Variants in XKR6 observed in about 807,000 individuals in gnomAD.
XKR6 encodes the protein XK related 6.
A neutral mutation model predicts 56.7 loss-of-function variants in XKR6; 22 were observed. The observed-to-expected ratio is 0.39, with a 90% CI of 0.28 to 0.55. The LOEUF is 0.55. XKR6 is among the 20% of genes least tolerant of loss of function. The pLI, the probability that XKR6 is intolerant of heterozygous loss-of-function variation, is 0.66. For missense variants in XKR6, 852 were observed against 889.0 expected, an observed-to-expected ratio of 0.96 and a Z score of 0.53; for synonymous variants, 524 against 387.8, an observed-to-expected ratio of 1.35 and a Z score of -4.13.
intron 1 of XKR6, among the ~76,000 whole-genome samples, chr8:11,130,084 A>C (rs1037670435): frequency 5.9e-5 from 9 of 152,138 alleles, no homozygotes; most frequent in African/African-American, 2.2e-4. Flanking sequence ...ACATACTCAA[A>C]ACACACACTT....
intron 1 of XKR6, among the ~76,000 whole-genome samples, chr8:11,117,393 C>T (rs1300742970): frequency 6.6e-6 from 1 of 152,168 alleles, no homozygotes; most frequent in Admixed American, 6.5e-5. Context: ...ATGCAGCTTG[C>T]ACCCTAAACA....
chr8:11,039,658 C>T (rs1268125676), intron 1 of XKR6, among the ~76,000 whole-genome samples: 1 of 152,230 alleles, frequency 6.6e-6, no homozygotes, highest in Non-Finnish European at 1.5e-5. Context: ...ACAGTTCCAG[C>T]CTGGTGGCCC....
chr8:11,030,476 C>A (rs992852420), intron 1 of XKR6, among the ~76,000 whole-genome samples: 3 of 152,190 alleles, frequency 2.0e-5, no homozygotes, highest in African/African-American at 7.2e-5. Context: ...TACCCTTGAT[C>A]CTTGATCAAT....
At chr8:10,967,124 T>A (rs955084170) in intron 1 of XKR6, among the ~76,000 whole-genome samples, 2 of 152,190 alleles carry the variant, frequency 1.3e-5, no homozygotes, top group Non-Finnish European at 2.9e-5. Flanking sequence ...TGCATGACAG[T>A]GCGTGATCCT....
At chr8:11,003,172 G>A (rs532179579) in intron 1 of XKR6, among the ~76,000 whole-genome samples, 6 of 150,642 alleles carry the variant, frequency 4.0e-5, no homozygotes, top group South Asian at 4.2e-4. Context: ...AATAGAGTAC[G>A]TACTCTATGT....
At chr8:11,181,379 T>C (rs1229139369) in intron 1 of XKR6, among the ~76,000 whole-genome samples, 2 of 152,236 alleles carry the variant, frequency 1.3e-5, no homozygotes, top group Admixed American at 6.5e-5. Flanking sequence ...GATGACATGC[T>C]TGCCTAATTT....
At chr8:11,186,654 A>G (rs140648417) in intron 1 of XKR6, among the ~76,000 whole-genome samples, 56 of 152,322 alleles carry the variant, frequency 3.7e-4, no homozygotes, top group African/African-American at 1.3e-3. Context: ...TGGTGAGATT[A>G]CAGGCATGAG....
chr8:11,003,021 T>A, intron 1 of XKR6, among the ~76,000 whole-genome samples: 1 of 151,648 alleles, frequency 6.6e-6, no homozygotes, highest in Non-Finnish European at 1.5e-5. Flanking sequence ...ACCTCCAATC[T>A]AACAATTCCA....
chr8:11,139,475 T>C (rs28544576), intron 1 of XKR6, among the ~76,000 whole-genome samples: 25,100 of 151,934 alleles, frequency 0.17, 4,777 homozygotes, highest in African/African-American at 0.47. Flanking sequence ...ACCCATTTCT[T>C]GCCAGCAGCT....
chr8:10,975,296 C>T (rs973540915), intron 1 of XKR6, among the ~76,000 whole-genome samples: 3 of 152,236 alleles, frequency 2.0e-5, no homozygotes, highest in African/African-American at 7.2e-5. Context: ...CTTCAGGAGG[C>T]TTCGAGCGAC....
At chr8:10,953,334 T>C (rs1801785049) in intron 1 of XKR6, among the ~76,000 whole-genome samples, 2 of 152,136 alleles carry the variant, frequency 1.3e-5, no homozygotes, top group Admixed American at 1.3e-4. Context: ...TGTTTAAAAG[T>C]GTGTGGCACC....
At chr8:11,083,636 G>C (rs1415663531) in intron 1 of XKR6, among the ~76,000 whole-genome samples, 1 of 152,176 alleles carries the variant, frequency 6.6e-6, no homozygotes, top group African/African-American at 2.4e-5. Context: ...TGAGTTCATA[G>C]AGAAAAAGCC....
chr8:10,963,935 C>G (rs1047951723), intron 1 of XKR6, among the ~76,000 whole-genome samples: 1 of 152,236 alleles, frequency 6.6e-6, no homozygotes, highest in Non-Finnish European at 1.5e-5. Context: ...CTGAGTGCCA[C>G]TAGGCAAGTT....
At chr8:11,108,628 TC>T (rs1184149375) in intron 1 of XKR6, 1 of 301,126 alleles carries the variant, frequency 3.3e-6, no homozygotes, top group Non-Finnish European at 6.4e-6. Flanking sequence ...TCCGTCCATT[TC>T]ATTAGGAAGC....
chr8:10,962,028 T>C (rs192836905), intron 1 of XKR6, among the ~76,000 whole-genome samples: 3 of 152,318 alleles, frequency 2.0e-5, no homozygotes, highest in African/African-American at 7.2e-5. Flanking sequence ...AAGCACCTTC[T>C]CCACTTAAAA....
chr8:11,150,852 C>CAAAAA, intron 1 of XKR6, among the ~76,000 whole-genome samples: 1 of 90,282 alleles, frequency 1.1e-5, no homozygotes, highest in African/African-American at 5.3e-5. Flanking sequence ...GACTCCATCT[C>CAAAAA]AAAAAAAAAA....
chr8:11,050,863 C>T (rs1799529605), intron 1 of XKR6, among the ~76,000 whole-genome samples: 2 of 152,178 alleles, frequency 1.3e-5, no homozygotes, highest in Non-Finnish European at 2.9e-5. Flanking sequence ...CCCACTCCTC[C>T]CTGCACCACC....
chr8:11,135,517 A>G (rs1800343770), intron 1 of XKR6, among the ~76,000 whole-genome samples: 1 of 152,238 alleles, frequency 6.6e-6, no homozygotes, highest in South Asian at 2.1e-4. Context: ...GATGACTTTT[A>G]CTATAGTTTA....
intron 2 of XKR6, among the ~76,000 whole-genome samples, chr8:10,905,800 C>G (rs1352283844): frequency 1.3e-5 from 2 of 152,126 alleles, no homozygotes; most frequent in Non-Finnish European, 2.9e-5. Context: ...TCAAACTTCC[C>G]TCTGTCTTCC....
Sources: gnomAD v4.1 joint callset for allele counts (sites outside exome capture counted in the v4.1 genomes callset) on GRCh38, gnomAD v4.1.1 for gene constraint, MANE v1.5 for transcripts, NCBI Gene and HGNC (gene_info 2026-07-23, HGNC 2026-07-21) for gene names.